The following ATR variants were observed in gnomAD, a reference collection of about 807,000 sequenced individuals.
The protein encoded by ATR is ATR checkpoint kinase, also known as serine/threonine-protein kinase ATR.
Under a neutral mutation model 305.3 loss-of-function variants are expected in ATR, and 142 were observed. That is an observed-to-expected ratio of 0.47 (90% confidence interval 0.41 to 0.53). ATR has a LOEUF of 0.53. Among genes scored for constraint, ATR ranks in the 20% least tolerant of loss-of-function variants. The probability of loss-of-function intolerance (pLI) is 0.00; values close to 1 mark genes in which losing one functional copy is unlikely to be tolerated. For missense variants in ATR, 2,135 were observed against 3,133.1 expected (o/e 0.68, Z 7.60); for synonymous variants, 1,050 against 1,068.1 (o/e 0.98, Z 0.33).
intron 41 of ATR, among the ~76,000 whole-genome samples, chr3:142,463,238 T>A (rs1404048710): frequency 6.6e-6 from 1 of 152,152 alleles, no homozygotes; most frequent in Non-Finnish European, 1.5e-5. Context: ...AATACTTTAA[T>A]TAAAGTAACA....
At chr3:142,470,921 A>C (rs1047924088) in intron 36 of ATR, among the ~76,000 whole-genome samples, 1 of 152,160 alleles carries the variant, frequency 6.6e-6, no homozygotes, top group African/African-American at 2.4e-5. Flanking sequence ...AAGAAATTTT[A>C]TTGTGGTAAA....
At position 142,454,437 on chromosome 3, in the gene ATR, C is replaced by CTTTTTTTTT. The variant is rs760823609; in HGVS notation, c.7656-1213_7656-1205dup. ...TTCTACCATAATGTCTGATAGACAG[C>CTTTTTTTTT]TTTTTTTTTTTTTTTTTTTTTTTGA... is the stretch of plus-strand genomic sequence containing the variant. On this transcript the variant is annotated intron_variant, in intron 45 of 46. Coordinates refer to ENST00000350721, the MANE Select transcript of ATR (RefSeq NM_001184.4). Among the ~76,000 whole-genome samples the CTTTTTTTTT allele has an allele frequency of 2.6e-3, 262 of 101,472 alleles. 14 individuals carry two copies. Among genetic ancestry groups the CTTTTTTTTT allele is most frequent in the African/African-American group, 0.012 (247 of 20,118 alleles). The allele number at this position is 101,472 out of a possible 152,430, so 66.6% of individuals were successfully genotyped here.
intron 38 of ATR, 152 bp downstream of exon 38, chr3:142,469,185 T>A: frequency 1.7e-6 from 1 of 583,882 alleles, no homozygotes; most frequent in South Asian, 2.7e-5. Context: ...TATAATGCTA[T>A]AAATTTCTCT....
chr3:142,484,504 C>T (rs548702872), intron 36 of ATR, among the ~76,000 whole-genome samples: 1 of 152,158 alleles, frequency 6.6e-6, no homozygotes, highest in African/African-American at 2.4e-5. Flanking sequence ...CCCCTCCAGA[C>T]CTCACCCTAC....
intron 36 of ATR, among the ~76,000 whole-genome samples, chr3:142,474,027 A>G (rs939624845): frequency 1.3e-5 from 2 of 150,390 alleles, no homozygotes; most frequent in African/African-American, 4.9e-5. Context: ...CCTGGGTTCA[A>G]GCAATTTTCC....
chr3:142,565,129 G>A (rs948349966), intron 3 of ATR, among the ~76,000 whole-genome samples: 1 of 152,056 alleles, frequency 6.6e-6, no homozygotes, highest in African/African-American at 2.4e-5. Context: ...GTTATGACCT[G>A]TAGTTTAAAA....
intron 40 of ATR, chr3:142,465,760 C>T (rs1435954607): frequency 6.2e-6 from 1 of 162,062 alleles, no homozygotes; most frequent in Non-Finnish European, 1.3e-5. Flanking sequence ...TACACTAACA[C>T]TTGGGAAGGC....
At chr3:142,502,955 A>G (rs1373154884) in intron 30 of ATR, among the ~76,000 whole-genome samples, 2 of 152,218 alleles carry the variant, frequency 1.3e-5, no homozygotes, top group Admixed American at 6.5e-5. Flanking sequence ...TTTCACATTC[A>G]TCAATCATTT....
intron 24 of ATR, among the ~76,000 whole-genome samples, chr3:142,516,874 T>TA (rs888969535): frequency 2.0e-5 from 3 of 151,956 alleles, no homozygotes; most frequent in African/African-American, 7.3e-5. Flanking sequence ...GCTCTCATCT[T>TA]ACGGCTACCT....
At position 142,449,370 on chromosome 3, in the gene ATR, G is replaced by T. The variant is rs2108241775; in HGVS notation, c.*59C>A. ...TTAGAATTGAACAGATACAACCACAGATTCATACCAAATGCATTACTTTTA... is the reference window on the plus strand; with the variant it reads ...TTAGAATTGAACAGATACAACCACATATTCATACCAAATGCATTACTTTTA... On this transcript the variant is annotated 3_prime_UTR_variant, in exon 47 of 47. Coordinates refer to ENST00000350721, the MANE Select transcript of ATR (RefSeq NM_001184.4). 1 of 1,497,240 alleles carries T rather than the reference G, an allele frequency of 6.7e-7. No individual in the cohort carries two copies. The highest frequency in any genetic ancestry group is 9.3e-7 in the Non-Finnish European group (1 of 1,075,706). The allele number at this position is 1,497,240 out of a possible 1,614,324, so 92.7% of individuals were successfully genotyped here. A position where few individuals can be genotyped will look rare whatever the true frequency, so the allele number is the denominator to read the frequency against.
At chr3:142,568,022 C>T (rs2035130686) in intron 2 of ATR, 41 bp downstream of exon 2, 1 of 1,450,018 alleles carries the variant, frequency 6.9e-7, no homozygotes, top group African/African-American at 1.4e-5. Context: ...AAAGAAAAGT[C>T]TAATTTATAA....
intron 35 of ATR, among the ~76,000 whole-genome samples, chr3:142,490,746 C>A (rs1259357700): frequency 1.3e-5 from 2 of 152,034 alleles, no homozygotes; most frequent in East Asian, 3.9e-4. Flanking sequence ...TGTTCAAGTA[C>A]TTTCTGCTTG....
chr3:142,568,006 C>G (rs1403845664), intron 2 of ATR, 57 bp downstream of exon 2: 1 of 1,339,632 alleles, frequency 7.5e-7, no homozygotes, highest in East Asian at 2.5e-5. Context: ...ATAATTTATA[C>G]ATGGAAAAGA....
At chr3:142,520,130 T>C (rs2033082585) in intron 23 of ATR, among the ~76,000 whole-genome samples, 1 of 152,236 alleles carries the variant, frequency 6.6e-6, no homozygotes, top group African/African-American at 2.4e-5. Flanking sequence ...TCTTTGATGT[T>C]ACTGTTGTAA....
chr3:142,550,237 A>G lies in ATR; in HGVS notation c.2871T>C (p.Ala957=), dbSNP rs1235161459. ...TALPNTPCQN[A]DVRKQDVAHQ... ...GAGCCACATCTTGTTTTCGCACGTCAGCATTCTGGCATGGAGTATTCGGAA... is the reference window on the plus strand; with the variant it reads ...GAGCCACATCTTGTTTTCGCACGTCGGCATTCTGGCATGGAGTATTCGGAA... The change falls in exon 14 of 47, where the codon GCT becomes GCC. Residue 957 remains alanine, a synonymous_variant. Transcript: ENST00000350721. The G allele has an allele frequency of 6.2e-7, 1 of 1,614,084 alleles. No individual in the cohort carries two copies. The highest frequency in any genetic ancestry group is 2.2e-5 in the East Asian group (1 of 44,892).
In ATR at chr3:142,550,315, C is replaced by T. The variant is rs2034429530; in HGVS notation, c.2806-13G>A. 6.2e-7 allele frequency: 1 copy of T among 1,613,210 alleles called. No individual in the cohort carries two copies. The highest frequency in any genetic ancestry group is 8.5e-7 in the Non-Finnish European group (1 of 1,179,270). On this transcript the variant is annotated splice_polypyrimidine_tract_variant and intron_variant, in intron 13 of 46. Coordinates refer to ENST00000350721, the MANE Select transcript of ATR (RefSeq NM_001184.4). The stretch of plus-strand genomic sequence containing the variant: ...ATTCTACCAAAAACTAGAGCAAAAA[C>T]CATTTTATTGTGAGTTTTCACACAA...
rs756890890 is a variant in ATR at position 142,513,650 on chromosome 3, A to G, written c.4504-12T>C. The G allele has an allele frequency of 4.9e-5, 79 of 1,612,802 alleles. No individual in the cohort carries two copies. In the South Asian group the frequency reaches 8.2e-4, roughly 17 times the overall value. ...AGATCATGTCGAACCTGTAAATGCA[A>G]AATGTGTAGACAGTAACACACTTTC... On this transcript the variant is annotated splice_polypyrimidine_tract_variant and intron_variant, in intron 25 of 46. Coordinates refer to ENST00000350721, the MANE Select transcript of ATR (RefSeq NM_001184.4).
At chr3:142,504,836 T>C (rs566184245) in intron 29 of ATR, among the ~76,000 whole-genome samples, 7 of 152,120 alleles carry the variant, frequency 4.6e-5, no homozygotes, top group East Asian at 1.9e-4. Flanking sequence ...TTAGAGAGGG[T>C]TAAATATTTT....
At chr3:142,573,306 G>A (rs1474338598) in intron 1 of ATR, among the ~76,000 whole-genome samples, 1 of 151,892 alleles carries the variant, frequency 6.6e-6, no homozygotes, top group Admixed American at 6.6e-5. Flanking sequence ...AATTAGCCAG[G>A]CGTGGTGGTG....
Sources: gnomAD v4.1 joint callset for allele counts (sites outside exome capture counted in the v4.1 genomes callset) on GRCh38, gnomAD v4.1.1 for gene constraint, MANE v1.5 for transcripts, NCBI Gene and HGNC (gene_info 2026-07-23, HGNC 2026-07-21) for gene names.